CDH13: variants seen among roughly 807,000 people sequenced by gnomAD.
CDH13 encodes the protein cadherin-13.
CDH13 carries 24 observed loss-of-function variants against 63.8 expected under a neutral mutation model. The ratio of observed to expected loss-of-function variants is 0.38; its 90% confidence interval spans 0.27 to 0.53. The LOEUF (loss-of-function observed/expected upper bound fraction) is 0.53, where lower values mean the gene tolerates loss of function less well. Ranked by LOEUF, CDH13 falls within the 20% of genes least tolerant of loss-of-function variation. The pLI, the probability that CDH13 is intolerant of heterozygous loss-of-function variation, is 0.85. For synonymous variants in CDH13, 503 were observed against 355.3 expected (o/e 1.42, Z -4.67); for missense variants, 1,049 against 903.1 (o/e 1.16, Z -2.07).
rs780973504 is a variant in CDH13, at chr16:83,032,207, G to A, written c.355G>A (p.Gly119Ser). Residue 119 changes from glycine (G) to serine (S), a missense_variant, in exon 3 of 14, where the codon GGC becomes AGC. Physicochemically the swap from Gly to Ser is moderately conservative, Grantham distance 56. Transcript: ENST00000567109. ...LVIVGGKDIQ[G>S]SLQDIFKFAR... ...GATTGTCGGGGGGAAAGACATCCAG[G>A]GCTCCTTGCAGGTAACACATCTGTT... is the stretch of plus-strand genomic sequence containing the variant. 1.9e-6 allele frequency: 3 copies of A among 1,612,966 alleles called. No homozygotes were observed. The highest frequency in any genetic ancestry group is 2.7e-5 in the African/African-American group (2 of 74,894).
At chr16:83,439,879 C>G (rs1055638099) in intron 6 of CDH13, among the ~76,000 whole-genome samples, 3 of 152,156 alleles carry the variant, frequency 2.0e-5, no homozygotes, top group Admixed American at 1.3e-4. Context: ...CCTTGGTGTC[C>G]TTTCTCTAAC....
At chr16:83,359,004 C>G (rs2091108535) in intron 6 of CDH13, among the ~76,000 whole-genome samples, 1 of 152,138 alleles carries the variant, frequency 6.6e-6, no homozygotes, top group Non-Finnish European at 1.5e-5. Flanking sequence ...TGTCAGTGTG[C>G]TGGCTTCGTG....
intron 6 of CDH13, among the ~76,000 whole-genome samples, chr16:83,469,501 C>A (rs998028461): frequency 2.6e-5 from 4 of 152,184 alleles, no homozygotes; most frequent in Non-Finnish European, 4.4e-5. Flanking sequence ...ATAACTAAAG[C>A]TATTCAAGAG....
intron 2 of CDH13, among the ~76,000 whole-genome samples, chr16:82,860,679 C>G (rs1275355112): frequency 6.6e-6 from 1 of 151,680 alleles, no homozygotes; most frequent in African/African-American, 2.4e-5. Context: ...TGGTTAGGTA[C>G]TTTCAAGTTC....
chr16:83,057,784 G>T (rs912442639), intron 3 of CDH13, among the ~76,000 whole-genome samples: 2 of 152,136 alleles, frequency 1.3e-5, no homozygotes, highest in African/African-American at 4.8e-5. Flanking sequence ...TCCAGAAAAG[G>T]GGTGAGGGTA....
chr16:83,028,596 A>G (rs1360224067), intron 2 of CDH13, among the ~76,000 whole-genome samples: 1 of 152,158 alleles, frequency 6.6e-6, no homozygotes, highest in Non-Finnish European at 1.5e-5. Context: ...ATACTACCCA[A>G]CCCTATATAT....
intron 10 of CDH13, among the ~76,000 whole-genome samples, chr16:83,698,529 C>T (rs1437076763): frequency 6.6e-6 from 1 of 152,170 alleles, no homozygotes; most frequent in East Asian, 1.9e-4. Flanking sequence ...TTGATGCGGC[C>T]AGGAGCATCT....
At chr16:83,339,583 T>G (rs551981846) in intron 5 of CDH13, among the ~76,000 whole-genome samples, 114 of 152,114 alleles carry the variant, frequency 7.5e-4, no homozygotes, top group Non-Finnish European at 1.4e-3. Flanking sequence ...TACGGAGAGG[T>G]GCATGCTCTG....
chr16:83,678,195 G>A lies in CDH13; in HGVS notation c.1285-13G>A, dbSNP rs746382709. On this transcript the variant is annotated splice_polypyrimidine_tract_variant and intron_variant, in intron 9 of 13. Transcript: ENST00000567109. ...CTGGTGTGCATCCTGAGACCCTTCT[G>A]TCTGCTTTCCAGCCATTGGACTATG... 13 of 1,603,740 alleles carry A rather than the reference G, an allele frequency of 8.1e-6. No homozygotes were observed. The highest frequency in any genetic ancestry group is 1.1e-5 in the Non-Finnish European group (13 of 1,172,536).
chr16:82,653,246 T>C (rs994909790), intron 1 of CDH13, among the ~76,000 whole-genome samples: 4 of 152,230 alleles, frequency 2.6e-5, no homozygotes, highest in African/African-American at 9.6e-5. Flanking sequence ...TCCTTGATTT[T>C]AGTGCCAGTT....
chr16:82,822,427 A>G (rs1034858114), intron 1 of CDH13, among the ~76,000 whole-genome samples: 1 of 152,210 alleles, frequency 6.6e-6, no homozygotes, highest in African/African-American at 2.4e-5. Flanking sequence ...ACATTCACAT[A>G]CAAATTTACT....
At chr16:83,297,219 AG>A (rs2089623302) in intron 5 of CDH13, among the ~76,000 whole-genome samples, 1 of 152,166 alleles carries the variant, frequency 6.6e-6, no homozygotes, top group Non-Finnish European at 1.5e-5. Flanking sequence ...AATAGCTAGA[AG>A]GGAGGATTTT....
intron 1 of CDH13, among the ~76,000 whole-genome samples, chr16:82,799,797 A>T (rs377076791): frequency 5.6e-4 from 85 of 152,012 alleles, no homozygotes; most frequent in African/African-American, 2.0e-3. Context: ...CTAAATGGAG[A>T]CTACACAAAG....
At chr16:83,103,822 A>C (rs12934693) in intron 3 of CDH13, among the ~76,000 whole-genome samples, 65,869 of 152,116 alleles carry the variant, frequency 0.43, 15,139 homozygotes, top group Middle Eastern at 0.62. Context: ...TGCACACAGT[A>C]AGTGCTCTGT....
intron 5 of CDH13, among the ~76,000 whole-genome samples, chr16:83,343,090 A>T (rs995850588): frequency 6.6e-6 from 1 of 151,966 alleles, no homozygotes; most frequent in East Asian, 1.9e-4. Flanking sequence ...TTTTCTTATT[A>T]CATGCATTAT....
chr16:82,751,559 C>T (rs911528444), intron 1 of CDH13, among the ~76,000 whole-genome samples: 1 of 152,102 alleles, frequency 6.6e-6, no homozygotes, highest in Non-Finnish European at 1.5e-5. Flanking sequence ...GCATGTAACC[C>T]ACATGCAGAA....
At chr16:82,672,077 A>C (rs1913316879) in intron 1 of CDH13, among the ~76,000 whole-genome samples, 1 of 152,140 alleles carries the variant, frequency 6.6e-6, no homozygotes, top group South Asian at 2.1e-4. Flanking sequence ...TTCAATATGG[A>C]AGTTAACAAC....
intron 3 of CDH13, among the ~76,000 whole-genome samples, chr16:83,090,287 G>C (rs1482153408): frequency 4.6e-5 from 7 of 152,154 alleles, no homozygotes; most frequent in Non-Finnish European, 4.4e-5. Context: ...CAAGCCATTC[G>C]TTTGTGGGCC....
chr16:82,700,481 A>G (rs113537872), intron 1 of CDH13, among the ~76,000 whole-genome samples: 1 of 151,848 alleles, frequency 6.6e-6, no homozygotes, highest in Non-Finnish European at 1.5e-5. Context: ...ATAAAGTCAA[A>G]CTTTATTATT....
Sources: allele counts gnomAD v4.1 joint callset (sites outside exome capture counted in the v4.1 genomes callset), GRCh38; gene constraint gnomAD v4.1.1; transcripts MANE v1.5; gene names NCBI Gene and HGNC (gene_info 2026-07-23, HGNC 2026-07-21).